The following GSE1 variants were observed in gnomAD, a reference collection of about 807,000 sequenced individuals.
GSE1 encodes the protein genetic suppressor element 1.
In GSE1, 32 loss-of-function variants were observed where a neutral mutation model predicts 112.6. The observed-to-expected ratio is 0.28, with a 90% CI of 0.21 to 0.38. The LOEUF (loss-of-function observed/expected upper bound fraction) is 0.38, where lower values mean the gene tolerates loss of function less well. GSE1 is among the 10% of genes least tolerant of loss of function. The pLI, the probability that GSE1 is intolerant of heterozygous loss-of-function variation, is 1.00. For missense variants in GSE1, 2,348 were observed against 1,699.2 expected (o/e 1.38, Z -6.71); for synonymous variants, 1,115 against 735.6 (o/e 1.52, Z -8.35).
intron 1 of GSE1, among the ~76,000 whole-genome samples, chr16:85,622,655 G>A (rs578166620): frequency 5.3e-5 from 8 of 152,296 alleles, no homozygotes; most frequent in Admixed American, 1.3e-4. Context: ...TTGCAAAGGC[G>A]GATGTAACTG....
rs115491413 is a variant in GSE1, at chr16:85,476,057, A to C, written c.2464+118414A>C. Among the ~76,000 whole-genome samples the C allele has an allele frequency of 2.3e-3, 351 of 152,266 alleles. 4 individuals are homozygous for C. Among genetic ancestry groups the C allele is most frequent in the African/African-American group, 7.9e-3 (329 of 41,546 alleles). Reference sequence around the variant, plus strand: ...ATGATTCTCCCGCCTCAGCCTCCCCAGGAGCCGGGACGACAGTTGCGTGCC... The same window carrying C: ...ATGATTCTCCCGCCTCAGCCTCCCCCGGAGCCGGGACGACAGTTGCGTGCC... On this transcript the variant is annotated intron_variant, in intron 2 of 2. Coordinates refer to the GSE1 transcript ENST00000637419.
chr16:85,312,565 G>A (rs979778241), intron 1 of GSE1, among the ~76,000 whole-genome samples: 2 of 152,200 alleles, frequency 1.3e-5, no homozygotes, highest in African/African-American at 4.8e-5. Flanking sequence ...GGTGCATTTA[G>A]GCTGGATTTA....
intron 1 of GSE1, among the ~76,000 whole-genome samples, chr16:85,623,864 C>T (rs948249859): frequency 6.6e-6 from 1 of 152,202 alleles, no homozygotes; most frequent in Non-Finnish European, 1.5e-5. Context: ...CTTCTTTGAG[C>T]ACCTGTTGGT....
At chr16:85,542,548 C>T (rs551896327) in intron 2 of GSE1, among the ~76,000 whole-genome samples, 32 of 152,350 alleles carry the variant, frequency 2.1e-4, no homozygotes, top group African/African-American at 3.4e-4. Context: ...AGAGCTGAAG[C>T]GGAGATGCTT....
chr16:85,562,448 C>T lies in GSE1; in HGVS notation c.37+6085C>T, dbSNP rs777160908. ...CATGGGTGGGAACCTGATATAGTCC[C>T]GCTGGAAACTCTCTTCTTATCTCCT... On this transcript the variant is annotated intron_variant, in intron 1 of 2. Coordinates refer to the GSE1 transcript ENST00000635906. Among the ~76,000 whole-genome samples, 52 of 152,296 alleles carry T rather than the reference C, an allele frequency of 3.4e-4. No homozygotes were observed. The Middle Eastern group carries it at 0.014, about 40-fold the overall frequency.
At chr16:85,243,403 C>T (rs1905316787) in intron 1 of GSE1, among the ~76,000 whole-genome samples, 1 of 152,246 alleles carries the variant, frequency 6.6e-6, no homozygotes, top group Non-Finnish European at 1.5e-5. Context: ...AACGGGGACA[C>T]ACACTCCTTT....
rs370205463 is a variant in GSE1, at chr16:85,430,861, G to A, written c.2464+73218G>A. Among the ~76,000 whole-genome samples, 21 of 152,338 alleles carry A rather than the reference G, an allele frequency of 1.4e-4. No individual in the cohort carries two copies. In the East Asian group the frequency reaches 3.9e-3, roughly 28 times the overall value. The stretch of plus-strand genomic sequence containing the variant: ...AGGCAAATGCAGGTTGCCGGGCCCT[G>A]CCCCGGGGTCTCAGACACTGCAGGT... On this transcript the variant is annotated intron_variant, in intron 2 of 2. Coordinates refer to the GSE1 transcript ENST00000637419.
intron 2 of GSE1, among the ~76,000 whole-genome samples, chr16:85,516,817 A>G (rs1425284303): frequency 9.0e-5 from 6 of 66,964 alleles, no homozygotes; most frequent in Non-Finnish European, 1.3e-4. Context: ...TTTTTTTTTG[A>G]GACGGAGTCT....
At chr16:85,367,711 A>G (rs2047213358) in intron 2 of GSE1, among the ~76,000 whole-genome samples, 1 of 152,224 alleles carries the variant, frequency 6.6e-6, no homozygotes, top group African/African-American at 2.4e-5. Flanking sequence ...TGTCCTCGTG[A>G]TCTCTCCAGT....
In GSE1 at chr16:85,298,341, A is replaced by AGTGGCC. The variant is rs1363367392; in HGVS notation, c.2284-59122_2284-59121insGTGGCC. Among the ~76,000 whole-genome samples the AGTGGCC allele has an allele frequency of 2.6e-5, 4 of 152,272 alleles. No homozygotes were observed. The East Asian group carries it at 7.7e-4, about 29-fold the overall frequency. On this transcript the variant is annotated intron_variant, in intron 1 of 2. Coordinates refer to the GSE1 transcript ENST00000637419. ...GCGCTTTATCTCCACCTCCTTCTTAAACTGGCCACCTTCCTGAGTCACCCG... is the reference window on the plus strand; with the variant it reads ...GCGCTTTATCTCCACCTCCTTCTTAAGTGGCCACTGGCCACCTTCCTGAGTCACCCG...
At chr16:85,262,794 C>T (rs751247979) in intron 1 of GSE1, among the ~76,000 whole-genome samples, 8 of 152,232 alleles carry the variant, frequency 5.3e-5, no homozygotes, top group Non-Finnish European at 7.3e-5. Context: ...CTCTCACAAG[C>T]TTGCCGCGGG....
intron 2 of GSE1, among the ~76,000 whole-genome samples, chr16:85,489,009 C>T (rs892665689): frequency 3.3e-5 from 5 of 152,236 alleles, no homozygotes; most frequent in Non-Finnish European, 7.4e-5. Context: ...CAACATGGTA[C>T]AAATTACACC....
At chr16:85,239,807 A>G (rs1905027818) in intron 1 of GSE1, among the ~76,000 whole-genome samples, 1 of 152,194 alleles carries the variant, frequency 6.6e-6, no homozygotes, top group African/African-American at 2.4e-5. Flanking sequence ...CATCTTGATC[A>G]CCCCAGTTCT....
chr16:85,466,547 A>G lies in GSE1; in HGVS notation c.2464+108904A>G, dbSNP rs182806584. ...GGTGAGGATGGCATTTGGGTGCCTTATAGATAGGGCCAGGTGGCCATGCCT... is the reference window on the plus strand; with the variant it reads ...GGTGAGGATGGCATTTGGGTGCCTTGTAGATAGGGCCAGGTGGCCATGCCT... On this transcript the variant is annotated intron_variant, in intron 2 of 2. Coordinates refer to the GSE1 transcript ENST00000637419. Among the ~76,000 whole-genome samples the G allele has an allele frequency of 2.0e-5, 3 of 152,312 alleles. No individual in the cohort carries two copies. In the East Asian group the frequency reaches 5.8e-4, roughly 29 times the overall value.
intron 1 of GSE1, among the ~76,000 whole-genome samples, chr16:85,337,310 T>C (rs2046515286): frequency 7.2e-6 from 1 of 139,454 alleles, no homozygotes; most frequent in African/African-American, 2.6e-5. Flanking sequence ...TTCTTTTCTT[T>C]TTTTTTTTTT....
intron 1 of GSE1, among the ~76,000 whole-genome samples, chr16:85,336,090 G>T (rs2046477476): frequency 6.6e-6 from 1 of 152,154 alleles, no homozygotes; most frequent in East Asian, 1.9e-4. Flanking sequence ...CCTGCCCCGG[G>T]TTCAGGCCAG....
Position 85,665,010 on chromosome 16 carries a change from C to T in GSE1, c.2645-5C>T, listed in dbSNP as rs778290883. 2.5e-6 allele frequency: 4 copies of T among 1,577,442 alleles called. No homozygotes were observed. The highest frequency in any genetic ancestry group is 1.7e-5 in the Admixed American group (1 of 59,920). ...CTCGTTAATCTCAGGCTGCTTTTCT[C>T]ATAGACAAAGAGAGACTTGTTGAAA... On this transcript the variant is annotated splice_region_variant and splice_polypyrimidine_tract_variant and intron_variant, in intron 11 of 15. Transcript: ENST00000253458.
At chr16:85,236,867 G>A (rs147540058) in intron 1 of GSE1, among the ~76,000 whole-genome samples, 29 of 152,222 alleles carry the variant, frequency 1.9e-4, no homozygotes, top group African/African-American at 7.0e-4. Context: ...GGCTCCCCCC[G>A]ACCATCCCTT....
In GSE1 at chr16:85,528,129, TG is replaced by T. The variant is rs1472724565; in HGVS notation, c.2465-105782del. 2.0e-5 allele frequency among the ~76,000 whole-genome samples: 3 copies of T among 152,200 alleles called. No homozygotes were observed. In the East Asian group the frequency reaches 5.8e-4, roughly 29 times the overall value. ...TTCAGCCATTGGCACTGTTCTAACC[TG>T]GGTGTGTGGGCGTGAGCTGGACAGA... On this transcript the variant is annotated intron_variant, in intron 2 of 2. Transcript: ENST00000637419.
Sources: gnomAD v4.1 joint callset for allele counts (sites outside exome capture counted in the v4.1 genomes callset) on GRCh38, gnomAD v4.1.1 for gene constraint, MANE v1.5 for transcripts, NCBI Gene and HGNC (gene_info 2026-07-23, HGNC 2026-07-21) for gene names.